The following IMMP2L variants were observed in gnomAD, a reference collection of about 807,000 sequenced individuals.
IMMP2L encodes the protein inner mitochondrial membrane peptidase subunit 2.
Under a neutral mutation model 19.3 loss-of-function variants are expected in IMMP2L, and 18 were observed. The observed-to-expected ratio is 0.93, with a 90% CI of 0.64 to 1.38. IMMP2L has a LOEUF of 1.38. Among genes scored for constraint, IMMP2L ranks in the 40% most tolerant of loss-of-function variants. The pLI, the probability that IMMP2L is intolerant of heterozygous loss-of-function variation, is 0.00. For synonymous variants in IMMP2L, 76 were observed against 73.0 expected, an observed-to-expected ratio of 1.04 and a Z score of -0.21; for missense variants, 233 against 218.2, an observed-to-expected ratio of 1.07 and a Z score of -0.43.
At chr7:110,936,974 G>A (rs760137608) in intron 4 of IMMP2L, among the ~76,000 whole-genome samples, 11 of 152,030 alleles carry the variant, frequency 7.2e-5, no homozygotes, top group Non-Finnish European at 1.0e-4. Flanking sequence ...AAAACTGCAT[G>A]TTCTTACTCA....
chr7:111,155,632 G>C (rs1804554962), intron 3 of IMMP2L, among the ~76,000 whole-genome samples: 1 of 145,220 alleles, frequency 6.9e-6, no homozygotes, highest in Non-Finnish European at 1.5e-5. Context: ...CCATGAAAAT[G>C]GAAACTTGTG....
intron 3 of IMMP2L, among the ~76,000 whole-genome samples, chr7:111,377,338 T>A (rs1194540914): frequency 6.6e-6 from 1 of 151,980 alleles, no homozygotes; most frequent in Non-Finnish European, 1.5e-5. Context: ...TAGTATAGTA[T>A]CCTTCTATAG....
intron 5 of IMMP2L, among the ~76,000 whole-genome samples, chr7:110,672,319 A>G (rs982378291): frequency 6.6e-6 from 1 of 152,120 alleles, no homozygotes; most frequent in African/African-American, 2.4e-5. Context: ...GATTGACCCC[A>G]TGATTCAATT....
chr7:110,967,523 G>T (rs76286960), intron 3 of IMMP2L, among the ~76,000 whole-genome samples: 2,247 of 151,990 alleles, frequency 0.015, 51 homozygotes, highest in African/African-American at 0.051. Context: ...TATTCATATG[G>T]TTCAGAATTG....
chr7:111,038,987 AT>A (rs1041101884), intron 3 of IMMP2L, among the ~76,000 whole-genome samples: 2 of 152,094 alleles, frequency 1.3e-5, no homozygotes, highest in Admixed American at 6.6e-5. Context: ...AATTCAGGGA[AT>A]TTTTTTTCTC....
intron 1 of IMMP2L, among the ~76,000 whole-genome samples, chr7:111,541,485 G>C (rs1338470961): frequency 6.6e-6 from 1 of 152,146 alleles, no homozygotes; most frequent in Admixed American, 6.5e-5. Flanking sequence ...ACCAATAATA[G>C]TAAATAAAAC....
chr7:111,066,568 T>C (rs1394884709), intron 3 of IMMP2L, among the ~76,000 whole-genome samples: 1 of 152,218 alleles, frequency 6.6e-6, no homozygotes, highest in Non-Finnish European at 1.5e-5. Context: ...TGGTTATCTC[T>C]TAATGTTAAG....
intron 3 of IMMP2L, among the ~76,000 whole-genome samples, chr7:111,243,215 A>C (rs537057138): frequency 6.6e-6 from 1 of 152,052 alleles, no homozygotes; most frequent in African/African-American, 2.4e-5. Flanking sequence ...CATATTCTGA[A>C]TGTGAAGTAT....
chr7:111,075,881 A>G (rs1795363872), intron 3 of IMMP2L, among the ~76,000 whole-genome samples: 1 of 152,158 alleles, frequency 6.6e-6, no homozygotes, highest in Non-Finnish European at 1.5e-5. Context: ...GGCTTAACTC[A>G]CTATTCTGAA....
At chr7:111,330,308 A>T (rs947880761) in intron 3 of IMMP2L, among the ~76,000 whole-genome samples, 3 of 151,854 alleles carry the variant, frequency 2.0e-5, no homozygotes, top group Non-Finnish European at 4.4e-5. Flanking sequence ...TGAAATAGAG[A>T]AAAAAGTAAA....
intron 3 of IMMP2L, among the ~76,000 whole-genome samples, chr7:111,212,794 A>G (rs1007026247): frequency 9.2e-5 from 14 of 152,206 alleles, no homozygotes; most frequent in African/African-American, 3.1e-4. Context: ...AAAGGATAAT[A>G]ACATGTTAGA....
At chr7:111,415,444 A>G (rs1187730598) in intron 3 of IMMP2L, among the ~76,000 whole-genome samples, 1 of 151,776 alleles carries the variant, frequency 6.6e-6, no homozygotes, top group Non-Finnish European at 1.5e-5. Context: ...GAGATAATTA[A>G]TTTATATTTT....
chr7:111,551,462 AGTATGTTAG>A (rs1849445085), intron 1 of IMMP2L, among the ~76,000 whole-genome samples: 2 of 151,082 alleles, frequency 1.3e-5, no homozygotes, highest in Non-Finnish European at 2.9e-5. Flanking sequence ...AGTAACAAAT[AGTATGTTAG>A]GTATGTTAGG....
intron 3 of IMMP2L, among the ~76,000 whole-genome samples, chr7:111,101,539 T>A (rs1223346375): frequency 1.3e-5 from 2 of 151,316 alleles, no homozygotes; most frequent in Non-Finnish European, 3.0e-5. Flanking sequence ...TTGTTGTAGA[T>A]TTAGTAAAAA....
chr7:111,316,448 T>A (rs1436574136), intron 3 of IMMP2L, among the ~76,000 whole-genome samples: 1 of 152,138 alleles, frequency 6.6e-6, no homozygotes, highest in Non-Finnish European at 1.5e-5. Flanking sequence ...ATGTATGATT[T>A]AGGGATGAAT....
At chr7:111,403,447 G>GTATATATA (rs111864985) in intron 3 of IMMP2L, among the ~76,000 whole-genome samples, 14 of 146,594 alleles carry the variant, frequency 9.6e-5, no homozygotes, top group African/African-American at 3.0e-4. Context: ...TACAGCCCAG[G>GTATATATA]TATATATATA....
At chr7:111,089,341 G>A (rs1796615859) in intron 3 of IMMP2L, among the ~76,000 whole-genome samples, 1 of 152,002 alleles carries the variant, frequency 6.6e-6, no homozygotes, top group Non-Finnish European at 1.5e-5. Context: ...TACTGGACTT[G>A]TCAATTATAC....
chr7:111,137,999 G>A (rs543223371), intron 3 of IMMP2L, among the ~76,000 whole-genome samples: 2 of 151,944 alleles, frequency 1.3e-5, no homozygotes, highest in Non-Finnish European at 2.9e-5. Context: ...TAATTTTTGT[G>A]GGGTTTTTTT....
chr7:110,749,012 C>T (rs1428463788), intron 5 of IMMP2L, among the ~76,000 whole-genome samples: 1 of 151,948 alleles, frequency 6.6e-6, no homozygotes, highest in Non-Finnish European at 1.5e-5. Context: ...TGACAAAGGG[C>T]TAATATCCAG....
Sources: allele counts gnomAD v4.1 joint callset (sites outside exome capture counted in the v4.1 genomes callset), GRCh38; gene constraint gnomAD v4.1.1; transcripts MANE v1.5; gene names NCBI Gene and HGNC (gene_info 2026-07-23, HGNC 2026-07-21).